RGS7: variants seen among roughly 807,000 people sequenced by gnomAD.
The protein encoded by RGS7 is regulator of G-protein signaling 7.
A neutral mutation model predicts 81.1 loss-of-function variants in RGS7; 27 were observed. The observed-to-expected ratio is 0.33, with a 90% CI of 0.25 to 0.46. RGS7 has a LOEUF of 0.46. Ranked by LOEUF, RGS7 falls within the 20% of genes least tolerant of loss-of-function variation. The pLI is 1.00. For missense variants in RGS7, 396 were observed against 607.4 expected, an observed-to-expected ratio of 0.65 and a Z score of 3.66; for synonymous variants, 208 against 207.7, an observed-to-expected ratio of 1.00 and a Z score of -0.01.
chr1:241,157,111 T>C (rs1466265889), intron 2 of RGS7, among the ~76,000 whole-genome samples: 1 of 152,016 alleles, frequency 6.6e-6, no homozygotes, highest in Non-Finnish European at 1.5e-5. Context: ...TTTCTCCAGT[T>C]GTCTGGTGGA....
intron 4 of RGS7, among the ~76,000 whole-genome samples, chr1:240,955,671 T>C (rs1461869098): frequency 6.7e-6 from 1 of 149,830 alleles, no homozygotes; most frequent in Admixed American, 6.6e-5. Context: ...AACAGAGAAA[T>C]ATATAAGTAA....
intron 2 of RGS7, among the ~76,000 whole-genome samples, chr1:241,289,734 C>G (rs143681189): frequency 1.6e-3 from 247 of 152,314 alleles, no homozygotes; most frequent in Non-Finnish European, 2.8e-3. Flanking sequence ...ACCTCAATCT[C>G]TTGGGCACAT....
chr1:240,978,000 G>A lies in RGS7; in HGVS notation c.226+5079C>T, dbSNP rs757090881. On this transcript the variant is annotated intron_variant, in intron 4 of 18. Transcript: ENST00000440928. ...CACTCAGTGACAACATGATATCATGGTGACATCCTGAGGCAAGGATTACTC... is the reference window on the plus strand; with the variant it reads ...CACTCAGTGACAACATGATATCATGATGACATCCTGAGGCAAGGATTACTC... Among the ~76,000 whole-genome samples, 97 of 152,254 alleles carry A rather than the reference G, an allele frequency of 6.4e-4. 1 individual carries two copies. Among genetic ancestry groups the A allele is most frequent in the Middle Eastern group, 3.4e-3 (1 of 294 alleles).
At chr1:241,354,471 G>A (rs2083437161) in intron 2 of RGS7, among the ~76,000 whole-genome samples, 1 of 152,184 alleles carries the variant, frequency 6.6e-6, no homozygotes, top group Admixed American at 6.5e-5. Context: ...GTATAGTACT[G>A]TTCGCCCAGG....
intron 3 of RGS7, among the ~76,000 whole-genome samples, chr1:241,047,471 C>T (rs2060996341): frequency 6.6e-6 from 1 of 152,240 alleles, no homozygotes; most frequent in Non-Finnish European, 1.5e-5. Context: ...CACGTTTAAA[C>T]ATGCTTTTAT....
At chr1:241,002,912 T>G (rs187742339) in intron 3 of RGS7, among the ~76,000 whole-genome samples, 17 of 152,324 alleles carry the variant, frequency 1.1e-4, no homozygotes, top group Admixed American at 7.2e-4. Context: ...ATTCGTAACA[T>G]GAAAACAAAA....
At chr1:241,146,491 C>G (rs1056574338) in intron 2 of RGS7, among the ~76,000 whole-genome samples, 1 of 152,130 alleles carries the variant, frequency 6.6e-6, no homozygotes, top group African/African-American at 2.4e-5. Flanking sequence ...CCAGAAGAGC[C>G]ACACGATTGT....
At chr1:240,862,996 C>T (rs1462937916) in intron 9 of RGS7, among the ~76,000 whole-genome samples, 1 of 151,078 alleles carries the variant, frequency 6.6e-6, no homozygotes, top group East Asian at 2.0e-4. Flanking sequence ...ACTCTGCTAC[C>T]TAGGCTGGAG....
intron 2 of RGS7, among the ~76,000 whole-genome samples, chr1:241,173,469 G>C (rs2070879023): frequency 6.6e-6 from 1 of 152,148 alleles, no homozygotes; most frequent in East Asian, 1.9e-4. Context: ...TTTGGATTTA[G>C]AGCAGCTATT....
At chr1:240,954,868 A>G (rs1175620219) in intron 4 of RGS7, among the ~76,000 whole-genome samples, 1 of 152,178 alleles carries the variant, frequency 6.6e-6, no homozygotes, top group Non-Finnish European at 1.5e-5. Flanking sequence ...CTACAAAAAC[A>G]CTCCTGAAAT....
chr1:240,792,571 C>T (rs889990430), intron 18 of RGS7, among the ~76,000 whole-genome samples: 3 of 152,164 alleles, frequency 2.0e-5, no homozygotes, highest in Admixed American at 2.0e-4. Context: ...TCTCTCTCTC[C>T]TGCAGGGCCC....
chr1:240,784,129 G>C (rs1352440248), intron 18 of RGS7, among the ~76,000 whole-genome samples: 2 of 151,604 alleles, frequency 1.3e-5, no homozygotes, highest in African/African-American at 4.9e-5. Flanking sequence ...GGAGGTTGCA[G>C]TGAGCCAAGA....
intron 17 of RGS7, 40 bp downstream of exon 17, chr1:240,801,415 G>A: frequency 1.5e-6 from 2 of 1,358,284 alleles, no homozygotes; most frequent in Non-Finnish European, 2.1e-6. Context: ...AAATTTCATT[G>A]GACTTAATGA....
At chr1:240,822,473 T>C (rs1263440863) in intron 10 of RGS7, among the ~76,000 whole-genome samples, 2 of 152,158 alleles carry the variant, frequency 1.3e-5, no homozygotes, top group African/African-American at 4.8e-5. Context: ...TTCACGTTTC[T>C]AATAATAATG....
chr1:241,035,689 C>T (rs1405356583), intron 3 of RGS7, among the ~76,000 whole-genome samples: 2 of 152,140 alleles, frequency 1.3e-5, no homozygotes, highest in East Asian at 3.9e-4. Flanking sequence ...CCCTTATCAG[C>T]ACCACTATCA....
At chr1:240,839,770 T>G (rs1162431654) in intron 9 of RGS7, among the ~76,000 whole-genome samples, 1 of 152,160 alleles carries the variant, frequency 6.6e-6, no homozygotes, top group Non-Finnish European at 1.5e-5. Context: ...ATTGCTAATT[T>G]TGGTTTAGTT....
At chr1:240,948,766 C>T (rs930235663) in intron 4 of RGS7, among the ~76,000 whole-genome samples, 3 of 151,270 alleles carry the variant, frequency 2.0e-5, no homozygotes, top group African/African-American at 2.4e-5. Flanking sequence ...GTTTTTTAAA[C>T]GTAATATTGT....
intron 2 of RGS7, among the ~76,000 whole-genome samples, chr1:241,224,676 G>A (rs759139538): frequency 7.2e-5 from 11 of 152,052 alleles, no homozygotes; most frequent in Non-Finnish European, 1.0e-4. Flanking sequence ...TAAATATCAC[G>A]AAGTACATAT....
chr1:240,833,037 G>A (rs1208736202), intron 9 of RGS7, among the ~76,000 whole-genome samples: 1 of 151,882 alleles, frequency 6.6e-6, no homozygotes, highest in Non-Finnish European at 1.5e-5. Flanking sequence ...GGAACAATAA[G>A]AAATTAACAA....
Sources: allele counts gnomAD v4.1 joint callset (sites outside exome capture counted in the v4.1 genomes callset), GRCh38; gene constraint gnomAD v4.1.1; transcripts MANE v1.5; gene names NCBI Gene and HGNC (gene_info 2026-07-23, HGNC 2026-07-21).